ABCC8: variants seen among roughly 807,000 people sequenced by gnomAD.
The protein encoded by ABCC8 is ATP binding cassette subfamily C member 8.
In ABCC8, 137 loss-of-function variants were observed where a neutral mutation model predicts 188.0. That is an observed-to-expected ratio of 0.73 (90% CI 0.63 to 0.84). ABCC8 has a LOEUF of 0.84. ABCC8 is among the 40% of genes least tolerant of loss of function. The pLI, the probability that ABCC8 is intolerant of heterozygous loss-of-function variation, is 0.00. For missense variants in ABCC8, 1,750 were observed against 2,072.7 expected, an observed-to-expected ratio of 0.84 and a Z score of 3.02; for synonymous variants, 797 against 846.5, an observed-to-expected ratio of 0.94 and a Z score of 1.01.
chr11:17,474,132 A>G (rs1218363030), intron 2 of ABCC8, among the ~76,000 whole-genome samples: 2 of 152,144 alleles, frequency 1.3e-5, no homozygotes, highest in East Asian at 1.9e-4. Flanking sequence ...AGCTTGCCCA[A>G]TTCTGCCTTC....
At chr11:17,425,434 A>G (rs1395054255) in intron 16 of ABCC8, among the ~76,000 whole-genome samples, 1 of 152,098 alleles carries the variant, frequency 6.6e-6, no homozygotes, top group East Asian at 1.9e-4. Flanking sequence ...AAAACCTGAC[A>G]CCTTCAATAA....
chr11:17,436,712 C>T (rs1371425982), intron 10 of ABCC8, among the ~76,000 whole-genome samples: 3 of 152,178 alleles, frequency 2.0e-5, no homozygotes, highest in Non-Finnish European at 4.4e-5. Flanking sequence ...GAAAGGCTGC[C>T]ATCAAAACTG....
At chr11:17,452,225 T>G (rs1336868401) in intron 7 of ABCC8, among the ~76,000 whole-genome samples, 1 of 152,214 alleles carries the variant, frequency 6.6e-6, no homozygotes, top group Non-Finnish European at 1.5e-5. Context: ...GCTTTGATCA[T>G]CTTTCCAGAA....
At position 17,428,610 on chromosome 11, in the gene ABCC8, G is replaced by T; in HGVS notation, c.1878C>A (p.Pro626=). Residue 626 remains proline (P), a synonymous_variant, in exon 13 of 39, where the codon CCC becomes CCA. Coordinates refer to ENST00000389817, the MANE Select transcript of ABCC8 (RefSeq NM_000352.6). ...CTGGGCCCTGAGGTGTGGGCTCATG[G>T]GGGGCACACTGCTCCTCACGGATCT... The part of the protein sequence containing the change: ...SAEIREEQCA[P]HEPTPQGPAS... 1 of 1,614,108 alleles carries T rather than the reference G, an allele frequency of 6.2e-7. No homozygotes were observed. Among genetic ancestry groups the T allele is most frequent in the East Asian group, 2.2e-5 (1 of 44,880 alleles).
At chr11:17,408,660 G>A (rs368823210) in intron 22 of ABCC8, 143 bp from the exon 23 acceptor site, 1 of 1,342,968 alleles carries the variant, frequency 7.4e-7, no homozygotes, top group East Asian at 2.3e-5. Context: ...CTGCAAGTGG[G>A]CTGGTATTGA....
intron 2 of ABCC8, among the ~76,000 whole-genome samples, chr11:17,474,057 C>A (rs184307582): frequency 4.2e-4 from 64 of 152,286 alleles, no homozygotes; most frequent in African/African-American, 1.4e-3. Flanking sequence ...TCTCTCCTTC[C>A]TCCTCTGTGT....
chr11:17,430,328 T>C (rs1187866641), intron 12 of ABCC8: 11 of 279,774 alleles, frequency 3.9e-5, no homozygotes, highest in Non-Finnish European at 7.0e-5. Context: ...GACCCAGCGC[T>C]TGGGGGAAGC....
chr11:17,471,063 C>G (rs978347033), intron 2 of ABCC8, among the ~76,000 whole-genome samples: 6 of 152,246 alleles, frequency 3.9e-5, no homozygotes, highest in African/African-American at 1.4e-4. Flanking sequence ...CCAGCCTGCC[C>G]TTTCTGCTCC....
At chr11:17,435,181 C>T (rs900613447) in intron 10 of ABCC8, among the ~76,000 whole-genome samples, 10 of 152,308 alleles carry the variant, frequency 6.6e-5, no homozygotes, top group African/African-American at 1.9e-4. Context: ...CCCTCCACCC[C>T]CGCCTCTCTT....
intron 10 of ABCC8, among the ~76,000 whole-genome samples, chr11:17,441,730 C>G (rs780060232): frequency 3.3e-5 from 5 of 152,206 alleles, no homozygotes; most frequent in African/African-American, 7.2e-5. Flanking sequence ...AGCCCTCACT[C>G]TGACCAGGGG....
chr11:17,437,033 G>A (rs1956127923), intron 10 of ABCC8, among the ~76,000 whole-genome samples: 1 of 139,068 alleles, frequency 7.2e-6, no homozygotes, highest in South Asian at 2.4e-4. Flanking sequence ...GGAGGTTGCA[G>A]TGAGCCGAGA....
chr11:17,397,672 A>G lies in ABCC8; in HGVS notation c.3867+12T>C, dbSNP rs775790085. The stretch of plus-strand genomic sequence containing the variant: ...TCTGACCCCTCCTCTGCCCTAGCCC[A>G]CTGCCGCTCACCATTAGGGCGTAGG... On this transcript the variant is annotated intron_variant, in intron 31 of 38. Transcript: ENST00000389817. The G allele has an allele frequency of 9.3e-6, 15 of 1,610,360 alleles. No individual in the cohort carries two copies. The Admixed American group carries it at 1.0e-4, about 11-fold the overall frequency.
chr11:17,405,679 C>T (rs772679163), intron 26 of ABCC8, 116 bp from the exon 27 acceptor site: 1 of 1,561,328 alleles, frequency 6.4e-7, no homozygotes. Flanking sequence ...ATGGGTCTGG[C>T]ATCCTCTGCC....
At chr11:17,401,306 C>G (rs1207013172) in intron 29 of ABCC8, among the ~76,000 whole-genome samples, 1 of 152,242 alleles carries the variant, frequency 6.6e-6, no homozygotes, top group Non-Finnish European at 1.5e-5. Context: ...CAGTCCCCAG[C>G]AAGCTTCTTT....
intron 27 of ABCC8, 129 bp downstream of exon 27, chr11:17,405,365 C>T (rs1591739449): frequency 8.4e-6 from 12 of 1,432,310 alleles, no homozygotes; most frequent in South Asian, 7.1e-5. Flanking sequence ...ATAATCGGAT[C>T]GGGGACACTG....
rs1591796405 is a variant in ABCC8 at position 17,427,928 on chromosome 11, G to A, written c.2055C>T (p.Tyr685=). Residue 685 remains tyrosine (Y), a synonymous_variant, in exon 15 of 39, where the codon TAC becomes TAT. Transcript: ENST00000389817. The surrounding 1 kb of genome is among the most constrained non-coding windows in gnomAD (Gnocchi z 5.0). ...DNCCVQIMGG[Y]FTWTPDGIPT... is the part of the protein sequence containing the mutation. ...GGATTCCATCTGGGGTCCACGTGAA[G>A]TAGCCTCCCATGATCTTCATTAGGC... The A allele has an allele frequency of 6.2e-7, 1 of 1,613,988 alleles. No individual in the cohort carries two copies. The highest frequency in any genetic ancestry group is 2.2e-5 in the East Asian group (1 of 44,878).
intron 17 of ABCC8, among the ~76,000 whole-genome samples, chr11:17,416,366 AG>A (rs1955073735): frequency 6.6e-6 from 1 of 152,122 alleles, no homozygotes; most frequent in South Asian, 2.1e-4. Flanking sequence ...GCCTGGCCTG[AG>A]GGACACCCAT....
intron 29 of ABCC8, among the ~76,000 whole-genome samples, chr11:17,401,846 G>C (rs1430526897): frequency 7.4e-6 from 1 of 134,630 alleles, no homozygotes; most frequent in Non-Finnish European, 1.6e-5. Context: ...TGAGACGATG[G>C]CAGGGGCACT....
chr11:17,427,075 C>A lies in ABCC8; in HGVS notation c.2196G>T (p.Lys732Asn), dbSNP rs757327236. 1.2e-6 allele frequency: 2 copies of A among 1,614,024 alleles called. No individual in the cohort carries two copies. Among genetic ancestry groups the A allele is most frequent in the South Asian group, 1.1e-5 (1 of 91,060 alleles). ...LLLAALGEMQ[K>N]VSGAVFWSSL... ...TGCTCCAGAAGACAGCCCCTGAGAC[C>A]TTCTGCATCTCCCCCAGTGCGGCTA... Residue 732 changes from lysine (K) to asparagine (N), a missense_variant, in exon 16 of 39, where the codon AAG becomes AAT. Physicochemically the swap from Lys to Asn is moderately conservative, Grantham distance 94. Transcript: ENST00000389817. This position sits in a 1 kb window ranked among gnomAD's most constrained non-coding sequence, Gnocchi z 5.0.
Sources: gnomAD v4.1 joint callset for allele counts (sites outside exome capture counted in the v4.1 genomes callset) on GRCh38, gnomAD v4.1.1 for gene constraint, Gnocchi (gnomAD v3.1) non-coding constraint, MANE v1.5 for transcripts, NCBI Gene and HGNC (gene_info 2026-07-23, HGNC 2026-07-21) for gene names.